Variants in ARID4A observed in about 807,000 individuals in gnomAD.
The protein encoded by ARID4A is AT-rich interactive domain-containing protein 4A.
ARID4A carries 39 observed loss-of-function variants against 148.6 expected under a neutral mutation model. That is an observed-to-expected ratio of 0.26 (90% CI 0.20 to 0.34). ARID4A has a LOEUF of 0.34. Among genes scored for constraint, ARID4A ranks in the 10% least tolerant of loss-of-function variants. The probability of loss-of-function intolerance (pLI) is 1.00; values close to 1 mark genes in which losing one functional copy is unlikely to be tolerated. For synonymous variants in ARID4A, 475 were observed against 481.2 expected, an observed-to-expected ratio of 0.99 and a Z score of 0.17; for missense variants, 1,265 against 1,449.1, an observed-to-expected ratio of 0.87 and a Z score of 2.06.
chr14:58,354,492 T>C (rs1468737112), intron 17 of ARID4A, among the ~76,000 whole-genome samples: 1 of 151,914 alleles, frequency 6.6e-6, no homozygotes, highest in Non-Finnish European at 1.5e-5. Flanking sequence ...AGACCAGACC[T>C]GGCAACATAG....
chr14:58,350,594 C>G (rs2034591150), intron 15 of ARID4A, among the ~76,000 whole-genome samples: 1 of 152,202 alleles, frequency 6.6e-6, no homozygotes, highest in African/African-American at 2.4e-5. Context: ...TCCACAAATA[C>G]AGTGACAATG....
At chr14:58,370,401 A>G (rs1196212947) in intron 23 of ARID4A, among the ~76,000 whole-genome samples, 1 of 152,016 alleles carries the variant, frequency 6.6e-6, no homozygotes, top group East Asian at 1.9e-4. Context: ...GGTTCAAGCC[A>G]TTTTCCTGCC....
chr14:58,326,313 T>C (rs1249098581), intron 8 of ARID4A, among the ~76,000 whole-genome samples: 1 of 152,216 alleles, frequency 6.6e-6, no homozygotes, highest in East Asian at 1.9e-4. Context: ...GGTAGGCACC[T>C]GTAGTCCCAG....
chr14:58,355,113 C>T (rs1014860387), intron 17 of ARID4A, among the ~76,000 whole-genome samples: 1 of 152,190 alleles, frequency 6.6e-6, no homozygotes, highest in African/African-American at 2.4e-5. Flanking sequence ...ATGTCAGGGG[C>T]TGCCTTTCTT....
chr14:58,364,273 T>G lies in ARID4A; in HGVS notation c.2184T>G (p.Asn728Lys), dbSNP rs764901938. The change falls in exon 20 of 24, where the codon AAT becomes AAG. Residue 728 changes from asparagine (N) to lysine (K), a missense_variant. By Grantham distance (94) the Asn-to-Lys change is moderately conservative. Transcript: ENST00000355431. ...AACTAGAAAAAAATGAAAATTTGAA[T>G]GATGATAAGCTAGATGAAGAAAATC... is the stretch of plus-strand genomic sequence containing the variant. ...KDELEKNENL[N>K]DDKLDEENPK... The G allele has an allele frequency of 1.1e-5, 17 of 1,545,152 alleles. No homozygotes were observed. The East Asian group carries it at 3.7e-4, about 34-fold the overall frequency.
At chr14:58,344,629 A>T (rs529674411) in intron 11 of ARID4A, 66 bp from the exon 12 acceptor site, 1 of 1,205,656 alleles carries the variant, frequency 8.3e-7, no homozygotes, top group Admixed American at 2.5e-5. Flanking sequence ...GGTTCACAAA[A>T]ATAAAAGAAG....
chr14:58,338,678 G>A (rs909822022), intron 11 of ARID4A, among the ~76,000 whole-genome samples: 2 of 151,158 alleles, frequency 1.3e-5, no homozygotes, highest in African/African-American at 4.9e-5. Context: ...GCCAGAAGAG[G>A]GACTATAGAC....
At chr14:58,299,999 T>C (rs1181986253) in intron 2 of ARID4A, 139 bp downstream of exon 2, 2 of 1,216,704 alleles carry the variant, frequency 1.6e-6, no homozygotes, top group African/African-American at 1.5e-5. Flanking sequence ...GGAGGATGTG[T>C]TGAATGGGTG....
chr14:58,347,849 A>G lies in ARID4A; in HGVS notation c.1375A>G (p.Arg459Gly). 1 of 1,612,644 alleles carries G rather than the reference A, an allele frequency of 6.2e-7. No homozygotes were observed. Among genetic ancestry groups the G allele is most frequent in the South Asian group, 1.1e-5 (1 of 90,914 alleles). Reference protein sequence around the residue: ...ENIDSNSESEREEIELKSPRG... With the variant: ...ENIDSNSESEGEEIELKSPRG... ...TATCGATTCAAACAGTGAAAGTGAAAGAGAAGAGATAGAATTAAAATCTCC... is the reference window on the plus strand; with the variant it reads ...TATCGATTCAAACAGTGAAAGTGAAGGAGAAGAGATAGAATTAAAATCTCC... Residue 459 changes from arginine (R) to glycine (G), a missense_variant, in exon 15 of 24, where the codon AGA (arginine) becomes GGA (glycine). This residue lies in a region of ARID4A where 205 missense variants were observed against 196.9 expected (regional missense o/e 1.04). Coordinates refer to ENST00000355431, the MANE Select transcript of ARID4A (RefSeq NM_002892.4).
Position 58,344,680 on chromosome 14 carries a change from A to C in ARID4A, c.907-15A>C, listed in dbSNP as rs763594444. 1.9e-6 allele frequency: 3 copies of C among 1,587,186 alleles called. No individual in the cohort carries two copies. The highest frequency in any genetic ancestry group is 2.6e-6 in the Non-Finnish European group (3 of 1,159,862). ...AGTTCACTGTGCCATACATTTATAT[A>C]TTTTATCTTTACAGCCTGAGGAAGA... On this transcript the variant is annotated splice_polypyrimidine_tract_variant and intron_variant, in intron 11 of 23. Transcript: ENST00000355431.
intron 8 of ARID4A, among the ~76,000 whole-genome samples, chr14:58,327,199 G>A (rs1051212290): frequency 2.0e-5 from 3 of 152,270 alleles, no homozygotes; most frequent in East Asian, 1.9e-4. Flanking sequence ...CAAGTGTTTA[G>A]CACCATGTGA....
At chr14:58,299,611 C>CT in intron 1 of ARID4A, 187 bp from the exon 2 acceptor site, 1 of 589,716 alleles carries the variant, frequency 1.7e-6, no homozygotes, top group Non-Finnish European at 3.0e-6. Context: ...ACGGGCTGCC[C>CT]TTTGGCGCTC....
rs534671765 is a variant in ARID4A, at chr14:58,339,873, A to C, written c.907-4822A>C. Reference sequence around the variant, plus strand: ...GAGAGAGAGAGAGAGAGAGAGAGAGAGCATGAGCACGCAAAGGGGGAAGTG... The same window carrying C: ...GAGAGAGAGAGAGAGAGAGAGAGAGCGCATGAGCACGCAAAGGGGGAAGTG... On this transcript the variant is annotated intron_variant, in intron 11 of 23. Coordinates refer to ENST00000355431, the MANE Select transcript of ARID4A (RefSeq NM_002892.4). 1.3e-4 allele frequency among the ~76,000 whole-genome samples: 18 copies of C among 134,826 alleles called. No individual in the cohort carries two copies. In the East Asian group the frequency reaches 3.0e-3, roughly 22 times the overall value. The allele number at this position is 134,826 out of a possible 152,430, so 88.5% of individuals were successfully genotyped here. A position where few individuals can be genotyped will look rare whatever the true frequency, so the allele number is the denominator to read the frequency against.
chr14:58,299,703 GC>G (rs2030961015), intron 1 of ARID4A, 94 bp from the exon 2 acceptor site: 3 of 1,055,432 alleles, frequency 2.8e-6, no homozygotes, highest in Middle Eastern at 2.1e-4. Context: ...TGAGGATTCT[GC>G]CCCTCCCCGC....
At chr14:58,300,511 C>A (rs1177671845) in intron 2 of ARID4A, among the ~76,000 whole-genome samples, 1 of 152,090 alleles carries the variant, frequency 6.6e-6, no homozygotes, top group Non-Finnish European at 1.5e-5. Context: ...CAAAAGCATT[C>A]CTATTCAATT....
intron 7 of ARID4A, 48 bp downstream of exon 7, chr14:58,318,853 C>G (rs374667666): frequency 6.8e-7 from 1 of 1,469,460 alleles, no homozygotes; most frequent in Non-Finnish European, 9.5e-7. Flanking sequence ...TTATTATAAC[C>G]TTAAACAAGG....
At chr14:58,326,131 A>C (rs908824646) in intron 8 of ARID4A, among the ~76,000 whole-genome samples, 1 of 152,192 alleles carries the variant, frequency 6.6e-6, no homozygotes, top group Non-Finnish European at 1.5e-5. Context: ...ATAGTAGGCA[A>C]AGCTTCACTA....
Position 58,328,111 on chromosome 14 carries a change from T to C in ARID4A, c.583-126T>C, listed in dbSNP as rs1594903791. 6.0e-6 allele frequency: 4 copies of C among 671,110 alleles called. No homozygotes were observed. The South Asian group carries it at 7.1e-5, about 12-fold the overall frequency. The allele number at this position is 671,110 out of a possible 1,614,324, so 41.6% of individuals were successfully genotyped here. A position where few individuals can be genotyped will look rare whatever the true frequency, so the allele number is the denominator to read the frequency against. On this transcript the variant is annotated intron_variant, in intron 8 of 23. Transcript: ENST00000355431. The stretch of plus-strand genomic sequence containing the variant: ...CATTAATAATAGGAGCTATTTATAA[T>C]GAAGCTGTTTTTTGTAAAATATAAT...
At chr14:58,362,842 G>C (rs770837452) in intron 19 of ARID4A, among the ~76,000 whole-genome samples, 1 of 152,092 alleles carries the variant, frequency 6.6e-6, no homozygotes, top group Non-Finnish European at 1.5e-5. Flanking sequence ...ACAGGTGTGA[G>C]CCACTGTGCC....
Sources: allele counts gnomAD v4.1 joint callset (sites outside exome capture counted in the v4.1 genomes callset), GRCh38; gene constraint gnomAD v4.1.1; regional missense constraint gnomAD v4.1.1; transcripts MANE v1.5; gene names NCBI Gene and HGNC (gene_info 2026-07-23, HGNC 2026-07-21).